The following TNRC18 variants were observed in gnomAD, a reference collection of about 807,000 sequenced individuals.
TNRC18 encodes the protein trinucleotide repeat containing 18, also known as trinucleotide repeat-containing gene 18 protein.
In TNRC18, 69 loss-of-function variants were observed where a neutral mutation model predicts 226.7. That is an observed-to-expected ratio of 0.30 (90% CI 0.25 to 0.37). The LOEUF (loss-of-function observed/expected upper bound fraction) is 0.37, where lower values mean the gene tolerates loss of function less well. TNRC18 is among the 10% of genes least tolerant of loss of function. TNRC18 has a pLI of 1.00. For synonymous variants in TNRC18, 2,449 were observed against 1,927.6 expected, an observed-to-expected ratio of 1.27 and a Z score of -7.09; for missense variants, 4,754 against 4,256.6, an observed-to-expected ratio of 1.12 and a Z score of -3.25.
intron 9 of TNRC18, among the ~76,000 whole-genome samples, chr7:5,374,984 C>A (rs1794516586): frequency 1.3e-5 from 2 of 152,322 alleles, no homozygotes; most frequent in Non-Finnish European, 2.9e-5. Context: ...CGGCGACCAC[C>A]AATGCCTACC....
chr7:5,417,968 A>G (rs533758776), intron 2 of TNRC18, among the ~76,000 whole-genome samples: 1 of 152,240 alleles, frequency 6.6e-6, no homozygotes, highest in Admixed American at 6.5e-5. Context: ...AGCCAAGCCA[A>G]GCCCCTCCCT....
intron 2 of TNRC18, chr7:5,420,085 C>T (rs1026097611): frequency 3.6e-6 from 1 of 280,154 alleles, no homozygotes; most frequent in Non-Finnish European, 7.0e-6. Flanking sequence ...CCGGGCAGGT[C>T]TGGAGGTCCC....
intron 19 of TNRC18, among the ~76,000 whole-genome samples, chr7:5,329,658 G>A (rs7796975): frequency 0.52 from 74,081 of 141,534 alleles, 20,719 homozygotes; most frequent in East Asian, 0.73. Flanking sequence ...ACTTCAGCCT[G>A]GGCGACACAG....
At chr7:5,368,701 G>A (rs1405646961) in intron 11 of TNRC18, among the ~76,000 whole-genome samples, 1 of 151,236 alleles carries the variant, frequency 6.6e-6, no homozygotes, top group Non-Finnish European at 1.5e-5. Context: ...TAAGTGAAAA[G>A]GGCAGGGCAG....
In TNRC18 at chr7:5,309,006, C is replaced by G. The variant is rs952398210; in HGVS notation, c.8626-57G>C. The G allele has an allele frequency of 6.4e-7, 1 of 1,552,540 alleles. No individual in the cohort carries two copies. Among genetic ancestry groups the G allele is most frequent in the South Asian group, 1.2e-5 (1 of 85,254 alleles). On this transcript the variant is annotated intron_variant, in intron 28 of 29. Transcript: ENST00000430969. The surrounding 1 kb of genome is among the most constrained non-coding windows in gnomAD (Gnocchi z 5.7). ...AGCCCGGGGGCTGCTGCACCCGACC[C>G]CAGGCCCCAGGACAGGGCTGACCCA...
intron 5 of TNRC18, among the ~76,000 whole-genome samples, chr7:5,379,344 T>G (rs1194518263): frequency 6.6e-6 from 1 of 151,398 alleles, no homozygotes; most frequent in Non-Finnish European, 1.5e-5. Context: ...GACTCCCTAT[T>G]ATGATTGCAC....
chr7:5,372,067 C>T (rs1443895305), intron 10 of TNRC18, among the ~76,000 whole-genome samples: 1 of 126,418 alleles, frequency 7.9e-6, no homozygotes, highest in African/African-American at 3.1e-5. Context: ...CCGCGCCTGG[C>T]TAATTTTTTT....
chr7:5,384,667 G>C (rs1779631985), intron 5 of TNRC18, among the ~76,000 whole-genome samples: 1 of 152,120 alleles, frequency 6.6e-6, no homozygotes, highest in Non-Finnish European at 1.5e-5. Flanking sequence ...AAGGCTCAAA[G>C]AGATCTCCTG....
At position 5,312,258 on chromosome 7, in the gene TNRC18, G is replaced by A. The variant is rs902862728; in HGVS notation, c.8388+245C>T. ...ATCTGGGCTCCACGAGGGTGGCTCT[G>A]CGTCCCGGGACCAGAGGGCAGGACC... On this transcript the variant is annotated intron_variant, in intron 27 of 29. Coordinates refer to ENST00000430969, the MANE Select transcript of TNRC18 (RefSeq NM_001080495.3). The surrounding 1 kb of genome is among the most constrained non-coding windows in gnomAD (Gnocchi z 6.3). Among the ~76,000 whole-genome samples the A allele has an allele frequency of 1.8e-4, 28 of 152,352 alleles. No individual in the cohort carries two copies. Among genetic ancestry groups the A allele is most frequent in the Middle Eastern group, 3.4e-3 (1 of 294 alleles).
intron 19 of TNRC18, among the ~76,000 whole-genome samples, chr7:5,330,443 G>A (rs1035735782): frequency 2.7e-5 from 4 of 148,670 alleles, no homozygotes; most frequent in African/African-American, 9.9e-5. Context: ...GCAGGGTCTT[G>A]CTGTGTTGCC....
At position 5,351,921 on chromosome 7, in the gene TNRC18, G is replaced by C. The variant is rs1481118493; in HGVS notation, c.5368C>G (p.Pro1790Ala). 5 of 1,613,766 alleles carry C rather than the reference G, an allele frequency of 3.1e-6. No homozygotes were observed. Among genetic ancestry groups the C allele is most frequent in the Admixed American group, 1.7e-5 (1 of 59,990 alleles). ...RGLAAPRTLK[P>A]KPATSRKQPF... ...TGCTTCCTGCTGGTGGCCGGCTTGG[G>C]TTTCAGAGTCCGGGGGGCCGCCAGG... The change falls in exon 17 of 30, where the codon CCC becomes GCC. Residue 1790 changes from proline (P) to alanine (A), a missense_variant. Transcript: ENST00000430969.
intron 15 of TNRC18, 147 bp downstream of exon 15, chr7:5,359,251 G>A (rs1403036949): frequency 2.2e-5 from 19 of 852,294 alleles, no homozygotes; most frequent in Non-Finnish European, 3.2e-5. Context: ...AGGAAGATTG[G>A]AGAAGAGTCA....
chr7:5,331,392 G>C (rs1329330387), intron 19 of TNRC18, among the ~76,000 whole-genome samples: 1 of 152,110 alleles, frequency 6.6e-6, no homozygotes, highest in East Asian at 1.9e-4. Flanking sequence ...GGTGTTCATA[G>C]AGAGAATTTA....
intron 8 of TNRC18, 41 bp downstream of exon 8, chr7:5,376,806 G>T: frequency 6.3e-7 from 1 of 1,595,156 alleles, no homozygotes; most frequent in Middle Eastern, 1.7e-4. Flanking sequence ...GCTGGGCATG[G>T]CCAGTCTGGC....
At chr7:5,412,442 G>C (rs1292431458) in intron 2 of TNRC18, among the ~76,000 whole-genome samples, 2 of 151,990 alleles carry the variant, frequency 1.3e-5, no homozygotes, top group Non-Finnish European at 2.9e-5. Flanking sequence ...CGGGAGTGGT[G>C]GCAGGCGTGT....
Position 5,357,462 on chromosome 7 carries a change from G to A in TNRC18, c.4834-186C>T, listed in dbSNP as rs532214692. Among the ~76,000 whole-genome samples the A allele has an allele frequency of 1.2e-3, 181 of 152,044 alleles. 2 individuals carry two copies. The highest frequency in any genetic ancestry group is 3.4e-3 in the Middle Eastern group (1 of 294). On this transcript the variant is annotated intron_variant, in intron 15 of 29. Transcript: ENST00000430969. Reference sequence around the variant, plus strand: ...AGTCTCGCTCTGTCGCCCAGCCTGGGGTTCAGTGGCGCGATCTCGGCTCAC... The same window carrying A: ...AGTCTCGCTCTGTCGCCCAGCCTGGAGTTCAGTGGCGCGATCTCGGCTCAC...
intron 11 of TNRC18, among the ~76,000 whole-genome samples, chr7:5,369,815 T>C (rs554328438): frequency 1.3e-5 from 2 of 152,018 alleles, no homozygotes; most frequent in South Asian, 2.1e-4. Flanking sequence ...ACACCATCAA[T>C]AGAATGAGAA....
chr7:5,377,476 C>T lies in TNRC18; in HGVS notation c.2356G>A (p.Ala786Thr). The change falls in exon 7 of 30, where the codon GCG (alanine) becomes ACG (threonine). Residue 786 changes from alanine (A) to threonine (T), a missense_variant. By Grantham distance (58) the Ala-to-Thr change is moderately conservative. Coordinates refer to ENST00000430969, the MANE Select transcript of TNRC18 (RefSeq NM_001080495.3). This position sits in a 1 kb window ranked among gnomAD's most constrained non-coding sequence, Gnocchi z 5.8. Reference sequence around the variant, plus strand: ...TCGGCAGACCAGCGACCTGAGCCCGCCAGCGCCGGGCCCCCCGTCACCATG... The same window carrying T: ...TCGGCAGACCAGCGACCTGAGCCCGTCAGCGCCGGGCCCCCCGTCACCATG... ...NLMVTGGPAL[A>T]GSGRWSADPA... The T allele has an allele frequency of 6.3e-7, 1 of 1,581,864 alleles. No individual in the cohort carries two copies. The highest frequency in any genetic ancestry group is 8.6e-7 in the Non-Finnish European group (1 of 1,165,144).
In TNRC18 at chr7:5,394,459, C is replaced by A; in HGVS notation, c.324G>T (p.Trp108Cys). The A allele has an allele frequency of 6.4e-7, 1 of 1,552,258 alleles. No individual in the cohort carries two copies. Among genetic ancestry groups the A allele is most frequent in the Non-Finnish European group, 8.7e-7 (1 of 1,149,394 alleles). ...TPSNLPMVQLWAAHAHEGFSH... is the reference protein window; with the variant it reads ...TPSNLPMVQLCAAHAHEGFSH... Reference sequence around the variant, plus strand: ...CCTTACCTTCATGGGCGTGGGCGGCCCACAGCTGCACCATGGGCAGGTTGC... The same window carrying A: ...CCTTACCTTCATGGGCGTGGGCGGCACACAGCTGCACCATGGGCAGGTTGC... The change falls in exon 3 of 30, where the codon TGG (tryptophan) becomes TGT (cysteine). Residue 108 changes from tryptophan (W) to cysteine (C), a missense_variant. Coordinates refer to ENST00000430969, the MANE Select transcript of TNRC18 (RefSeq NM_001080495.3). The surrounding 1 kb of genome is among the most constrained non-coding windows in gnomAD (Gnocchi z 4.5).
Sources: allele counts gnomAD v4.1 joint callset (sites outside exome capture counted in the v4.1 genomes callset), GRCh38; gene constraint gnomAD v4.1.1; non-coding constraint Gnocchi (gnomAD v3.1); transcripts MANE v1.5; gene names NCBI Gene and HGNC (gene_info 2026-07-23, HGNC 2026-07-21).